The following SNX30 variants were observed in gnomAD, a reference collection of about 807,000 sequenced individuals.
SNX30 encodes the protein sorting nexin family member 30, also known as sorting nexin-30.
Under a neutral mutation model 46.4 loss-of-function variants are expected in SNX30, and 24 were observed. The observed-to-expected ratio is 0.52, with a 90% CI of 0.37 to 0.73. The LOEUF (loss-of-function observed/expected upper bound fraction) is 0.73. SNX30 is among the 30% of genes least tolerant of loss of function. SNX30 has a pLI of 0.00. For synonymous variants in SNX30, 189 were observed against 211.5 expected (o/e 0.89, Z 0.92); for missense variants, 533 against 555.7 (o/e 0.96, Z 0.41).
At chr9:112,849,328 TA>T in intron 6 of SNX30, among the ~76,000 whole-genome samples, 1 of 152,248 alleles carries the variant, frequency 6.6e-6, no homozygotes, top group East Asian at 1.9e-4. Context: ...TGTGGCTATT[TA>T]AGTTTAAATT....
chr9:112,766,682 T>C (rs1564261219), intron 1 of SNX30, among the ~76,000 whole-genome samples: 1 of 152,244 alleles, frequency 6.6e-6, no homozygotes, highest in Admixed American at 6.5e-5. Context: ...TTGAATACTT[T>C]AGATTCCTCC....
chr9:112,763,360 C>CTT (rs751720343), intron 1 of SNX30, among the ~76,000 whole-genome samples: 3,192 of 47,598 alleles, frequency 0.067, 929 homozygotes, highest in African/African-American at 0.21. Flanking sequence ...GCTATTTAAA[C>CTT]TTTTTTTTTT....
At chr9:112,806,402 A>G (rs1840224798) in intron 2 of SNX30, among the ~76,000 whole-genome samples, 1 of 152,120 alleles carries the variant, frequency 6.6e-6, no homozygotes, top group South Asian at 2.1e-4. Context: ...ACCAAGTCAC[A>G]TAACAAAGAA....
chr9:112,751,765 A>T (rs1463782241), intron 1 of SNX30, among the ~76,000 whole-genome samples: 1 of 152,130 alleles, frequency 6.6e-6, no homozygotes, highest in Non-Finnish European at 1.5e-5. Context: ...CCGACGGCCT[A>T]CCACTCTGTT....
chr9:112,804,194 C>T lies in SNX30; in HGVS notation c.157-582C>T, dbSNP rs1486313408. Among the ~76,000 whole-genome samples, 6 of 151,670 alleles carry T rather than the reference C, an allele frequency of 4.0e-5. No individual in the cohort carries two copies. The East Asian group carries it at 9.7e-4, about 24-fold the overall frequency. Reference sequence around the variant, plus strand: ...TGTTTTTTTTTTTTAAATGGAGTTTCGCTCTTGTTGCCCAGGTTGGAGTGC... The same window carrying T: ...TGTTTTTTTTTTTTAAATGGAGTTTTGCTCTTGTTGCCCAGGTTGGAGTGC... On this transcript the variant is annotated intron_variant, in intron 1 of 8. Transcript: ENST00000374232.
At chr9:112,875,184 A>C (rs1206892681), downstream of SNX30, 3 of 152,298 alleles carry the variant, frequency 2.0e-5, no homozygotes, top group East Asian at 5.8e-4. Flanking sequence ...GTTTACCCTC[A>C]ATTTACCCTC....
chr9:112,865,683 A>G (rs1841325478), intron 8 of SNX30, among the ~76,000 whole-genome samples: 1 of 135,120 alleles, frequency 7.4e-6, no homozygotes, highest in Non-Finnish European at 1.6e-5. Flanking sequence ...ATGCACACAC[A>G]CACACACGTA....
intron 5 of SNX30, among the ~76,000 whole-genome samples, chr9:112,837,455 G>A (rs1441763557): frequency 2.0e-5 from 3 of 151,768 alleles, no homozygotes; most frequent in Non-Finnish European, 4.4e-5. Context: ...CATTGTGACT[G>A]TTTTTGTTTT....
intron 1 of SNX30, among the ~76,000 whole-genome samples, chr9:112,791,167 C>T (rs1028023657): frequency 2.0e-5 from 3 of 152,054 alleles, no homozygotes; most frequent in Non-Finnish European, 4.4e-5. Flanking sequence ...TATTTTGTCA[C>T]CCCAAAAAGA....
At chr9:112,756,014 AT>A (rs113992076) in intron 1 of SNX30, among the ~76,000 whole-genome samples, 3 of 152,236 alleles carry the variant, frequency 2.0e-5, no homozygotes, top group African/African-American at 7.2e-5. Context: ...GAGGAAAGGA[AT>A]TTTTTTAAAA....
chr9:112,796,567 C>T (rs1275846005), intron 1 of SNX30, among the ~76,000 whole-genome samples: 2 of 152,136 alleles, frequency 1.3e-5, no homozygotes, highest in African/African-American at 4.8e-5. Context: ...TGTCCATCTG[C>T]CCTGTAGTCA....
chr9:112,813,858 T>C (rs950230916), intron 2 of SNX30, among the ~76,000 whole-genome samples: 1 of 152,184 alleles, frequency 6.6e-6, no homozygotes, highest in African/African-American at 2.4e-5. Flanking sequence ...ATTTCATTAA[T>C]AGTTTTTAAT....
chr9:112,823,792 A>G (rs1039914900), intron 3 of SNX30, among the ~76,000 whole-genome samples: 2 of 152,174 alleles, frequency 1.3e-5, no homozygotes, highest in Non-Finnish European at 2.9e-5. Flanking sequence ...ACTGTTAAAA[A>G]TATACCTGCG....
chr9:112,875,404 A>G (rs116786482), downstream of SNX30: 2 of 152,354 alleles, frequency 1.3e-5, no homozygotes, highest in African/African-American at 2.4e-5. Flanking sequence ...GAACTTGAGT[A>G]TATTTAAAAT....
intron 6 of SNX30, among the ~76,000 whole-genome samples, chr9:112,842,883 T>C (rs1840881308): frequency 1.3e-5 from 2 of 152,238 alleles, no homozygotes; most frequent in African/African-American, 2.4e-5. Context: ...GTTGAAGGCA[T>C]GTGTCACAAG....
intron 4 of SNX30, among the ~76,000 whole-genome samples, chr9:112,833,180 A>G (rs969430912): frequency 6.6e-6 from 1 of 152,204 alleles, no homozygotes; most frequent in Non-Finnish European, 1.5e-5. Flanking sequence ...CTCTATGCCC[A>G]TTAAATGGCA....
intron 1 of SNX30, among the ~76,000 whole-genome samples, chr9:112,759,089 C>G (rs575119116): frequency 5.9e-5 from 9 of 152,246 alleles, no homozygotes; most frequent in African/African-American, 2.2e-4. Context: ...TGGTCTCGAA[C>G]TCCTGGCCTC....
At chr9:112,838,385 G>A (rs1840798780) in intron 5 of SNX30, 113 bp from the exon 6 acceptor site, 3 of 849,672 alleles carry the variant, frequency 3.5e-6, no homozygotes, top group South Asian at 1.8e-5. Context: ...TGAGTGAATG[G>A]CCAAAGAAAC....
chr9:112,821,709 A>G (rs1328691655), intron 3 of SNX30, among the ~76,000 whole-genome samples: 1 of 151,778 alleles, frequency 6.6e-6, no homozygotes, highest in African/African-American at 2.4e-5. Flanking sequence ...GATGGTCTCC[A>G]TCTCCTGACC....
Sources: gnomAD v4.1 joint callset for allele counts (sites outside exome capture counted in the v4.1 genomes callset) on GRCh38, gnomAD v4.1.1 for gene constraint, MANE v1.5 for transcripts, NCBI Gene and HGNC (gene_info 2026-07-23, HGNC 2026-07-21) for gene names.